SIPA1L2: variants seen among roughly 807,000 people sequenced by gnomAD.
SIPA1L2 encodes the protein signal induced proliferation associated 1 like 2, also known as signal-induced proliferation-associated 1-like protein 2.
In SIPA1L2, 56 loss-of-function variants were observed where a neutral mutation model predicts 163.9. The ratio of observed to expected loss-of-function variants is 0.34; its 90% CI spans 0.28 to 0.43. SIPA1L2 has a LOEUF of 0.43. Among genes scored for constraint, SIPA1L2 ranks in the 20% least tolerant of loss-of-function variants. SIPA1L2 has a pLI of 1.00. For synonymous variants in SIPA1L2, 877 were observed against 865.7 expected (o/e 1.01, Z -0.23); for missense variants, 1,974 against 2,193.5 (o/e 0.90, Z 2.00).
At chr1:232,507,893 C>T (rs1185566979) in intron 3 of SIPA1L2, among the ~76,000 whole-genome samples, 1 of 152,144 alleles carries the variant, frequency 6.6e-6, no homozygotes, top group Non-Finnish European at 1.5e-5. Context: ...CAGGAGTAAG[C>T]TCCATTTACA....
chr1:232,605,894 ACAGT>A (rs111427098), intron 1 of SIPA1L2, among the ~76,000 whole-genome samples: 26 of 152,356 alleles, frequency 1.7e-4, no homozygotes, highest in African/African-American at 6.3e-4. Flanking sequence ...TGCCTGTGCC[ACAGT>A]CAGACACAGT....
chr1:232,439,121 A>C lies in SIPA1L2; in HGVS notation c.4018T>G (p.Ser1340Ala). ...TGTGGGGCTTACCTGGAATGAGAGG[A>C]TATCTCACTGAGATCGCCCATGCTG... is the stretch of plus-strand genomic sequence containing the variant. ...EGSMGDLSEI[S>A]SHSSGSHHSG... The change falls in exon 15 of 23, where the codon TCC becomes GCC. Residue 1340 changes from serine (S) to alanine (A), a missense_variant. Coordinates refer to ENST00000674635, the MANE Select transcript of SIPA1L2 (RefSeq NM_020808.5). 1 of 1,606,860 alleles carries C rather than the reference A, an allele frequency of 6.2e-7. No homozygotes were observed. Among genetic ancestry groups the C allele is most frequent in the Non-Finnish European group, 8.5e-7 (1 of 1,176,172 alleles).
intron 2 of SIPA1L2, among the ~76,000 whole-genome samples, chr1:232,534,280 C>A (rs1273289029): frequency 6.6e-6 from 1 of 152,072 alleles, no homozygotes; most frequent in Non-Finnish European, 1.5e-5. Flanking sequence ...CCAAACCATT[C>A]AATGGGGAAA....
intron 1 of SIPA1L2, among the ~76,000 whole-genome samples, chr1:232,609,161 T>C (rs1439037743): frequency 1.3e-5 from 2 of 152,180 alleles, no homozygotes; most frequent in East Asian, 1.9e-4. Context: ...TTAAGATCAT[T>C]AGGATGGTGT....
chr1:232,434,168 C>T (rs926938468), intron 15 of SIPA1L2, among the ~76,000 whole-genome samples: 1 of 152,060 alleles, frequency 6.6e-6, no homozygotes, highest in Non-Finnish European at 1.5e-5. Context: ...TTCTGAAACC[C>T]CAGGTGAGCA....
In SIPA1L2 at chr1:232,616,005, T is replaced by C. The variant is rs192890167; in HGVS notation, c.-319+13864A>G. On this transcript the variant is annotated intron_variant, in intron 1 of 22. Transcript: ENST00000674635. ...TCGATAAATCCTCTCCATAATACTA[T>C]GACACAGACTGAATTTTTTGCACTT... 1.1e-4 allele frequency among the ~76,000 whole-genome samples: 17 copies of C among 152,318 alleles called. No homozygotes were observed. In the East Asian group the frequency reaches 2.5e-3, roughly 22 times the overall value.
intron 2 of SIPA1L2, among the ~76,000 whole-genome samples, chr1:232,532,585 A>G (rs758837554): frequency 2.0e-5 from 3 of 152,204 alleles, no homozygotes; most frequent in Admixed American, 6.5e-5. Context: ...ATTTTTGTGC[A>G]GTTTTTCAAT....
At chr1:232,501,936 T>C (rs1440410719) in intron 3 of SIPA1L2, among the ~76,000 whole-genome samples, 2 of 123,114 alleles carry the variant, frequency 1.6e-5, no homozygotes, top group African/African-American at 6.7e-5. Flanking sequence ...TGCTTCTCCC[T>C]GGAGCTTTTT....
At chr1:232,479,436 C>T (rs766080468) in intron 7 of SIPA1L2, among the ~76,000 whole-genome samples, 191 bp downstream of exon 7, 50 of 152,210 alleles carry the variant, frequency 3.3e-4, no homozygotes, top group Non-Finnish European at 4.4e-4. Flanking sequence ...AAGTTTTATA[C>T]GAAAAAAGTG....
intron 9 of SIPA1L2, 117 bp downstream of exon 9, chr1:232,464,723 A>T: frequency 1.2e-6 from 1 of 844,978 alleles, no homozygotes; most frequent in East Asian, 2.7e-5. Flanking sequence ...TATCTGTAAC[A>T]AATAGTAATG....
chr1:232,440,558 T>TCA, intron 14 of SIPA1L2, among the ~76,000 whole-genome samples: 1 of 152,332 alleles, frequency 6.6e-6, no homozygotes, highest in Non-Finnish European at 1.5e-5. Flanking sequence ...GGAAGAAATG[T>TCA]CACATGTGTT....
rs1360804086 is a variant in SIPA1L2, at chr1:232,560,292, C to CA, written c.-270+13881dup. Among the ~76,000 whole-genome samples the CA allele has an allele frequency of 3.3e-5, 5 of 152,184 alleles. No homozygotes were observed. The East Asian group carries it at 9.6e-4, about 29-fold the overall frequency. On this transcript the variant is annotated intron_variant, in intron 2 of 22. Transcript: ENST00000674635. ...ACATCCCCAGCTACCTGCACTACAC[C>CA]AAAACATTAGTAAGAAATCAGTAGT... is the stretch of plus-strand genomic sequence containing the variant.
chr1:232,509,682 G>A (rs1219729949), intron 3 of SIPA1L2, among the ~76,000 whole-genome samples: 1 of 152,214 alleles, frequency 6.6e-6, no homozygotes, highest in Non-Finnish European at 1.5e-5. Flanking sequence ...CCACCTCACT[G>A]TACTTTTCAC....
chr1:232,520,129 T>A (rs1250201176), intron 2 of SIPA1L2, among the ~76,000 whole-genome samples: 1 of 152,242 alleles, frequency 6.6e-6, no homozygotes, highest in East Asian at 1.9e-4. Flanking sequence ...CTAGATTTTG[T>A]CTACATACAG....
chr1:232,551,797 G>C (rs1024621450), intron 2 of SIPA1L2, among the ~76,000 whole-genome samples: 4 of 152,192 alleles, frequency 2.6e-5, no homozygotes, highest in African/African-American at 9.7e-5. Context: ...GCCAGGCCAA[G>C]GAATTTTAAC....
At chr1:232,490,588 A>T (rs552452408) in intron 5 of SIPA1L2, 1 of 289,322 alleles carries the variant, frequency 3.5e-6, no homozygotes, top group Admixed American at 5.0e-5. Flanking sequence ...AAAAACTACT[A>T]TTGACTTCTA....
At chr1:232,532,641 T>C (rs1657035597) in intron 2 of SIPA1L2, among the ~76,000 whole-genome samples, 1 of 152,220 alleles carries the variant, frequency 6.6e-6, no homozygotes, top group South Asian at 2.1e-4. Context: ...TTGTGTTTCC[T>C]GAAGGCAGTA....
chr1:232,474,969 G>C (rs1024234971), intron 7 of SIPA1L2, among the ~76,000 whole-genome samples: 7 of 152,136 alleles, frequency 4.6e-5, no homozygotes, highest in African/African-American at 1.7e-4. Flanking sequence ...AATGCTGGGG[G>C]AAAGCAGGCT....
chr1:232,557,906 T>C (rs892194060), intron 2 of SIPA1L2, among the ~76,000 whole-genome samples: 9 of 152,204 alleles, frequency 5.9e-5, no homozygotes, highest in Admixed American at 1.3e-4. Flanking sequence ...CTGTAACATC[T>C]CCAGTCCATA....
Sources: gnomAD v4.1 joint callset for allele counts (sites outside exome capture counted in the v4.1 genomes callset) on GRCh38, gnomAD v4.1.1 for gene constraint, MANE v1.5 for transcripts, NCBI Gene and HGNC (gene_info 2026-07-23, HGNC 2026-07-21) for gene names.